Variants in TASP1 observed in about 807,000 individuals in gnomAD.
The protein encoded by TASP1 is taspase 1, also known as threonine aspartase 1.
TASP1 carries 16 observed loss-of-function variants against 56.6 expected under a neutral mutation model. The observed-to-expected ratio is 0.28, with a 90% CI of 0.19 to 0.43. TASP1 has a LOEUF of 0.43. Among genes scored for constraint, TASP1 ranks in the 20% least tolerant of loss-of-function variants. TASP1 has a pLI of 1.00. For synonymous variants in TASP1, 179 were observed against 184.2 expected (o/e 0.97, Z 0.23); for missense variants, 393 against 511.6 (o/e 0.77, Z 2.24).
chr20:13,466,399 T>A (rs376493637), intron 11 of TASP1, among the ~76,000 whole-genome samples: 5 of 152,292 alleles, frequency 3.3e-5, no homozygotes, highest in African/African-American at 1.2e-4. Context: ...TCAGTAAACT[T>A]CAGTTTTGAT....
At chr20:13,269,406 T>C in the TASP1 span, among the ~76,000 whole-genome samples, 20,228 of 152,234 alleles carry the variant, frequency 0.13, 1,384 homozygotes, top group East Asian at 0.22. Context: ...ACAGTGGGCT[T>C]GCACTTTTCA....
the TASP1 span, among the ~76,000 whole-genome samples, chr20:13,123,700 C>A: frequency 6.6e-6 from 1 of 152,176 alleles, no homozygotes; most frequent in African/African-American, 2.4e-5. Context: ...AAGATGCCAT[C>A]CTTATTCCTA....
chr20:13,373,642 T>G, the TASP1 span, among the ~76,000 whole-genome samples: 2 of 152,154 alleles, frequency 1.3e-5, no homozygotes, highest in African/African-American at 2.4e-5. Flanking sequence ...GGGGTTCCCT[T>G]ATAAATGACA....
At chr20:13,189,728 G>A in the TASP1 span, among the ~76,000 whole-genome samples, 1 of 152,160 alleles carries the variant, frequency 6.6e-6, no homozygotes, top group Non-Finnish European at 1.5e-5. Flanking sequence ...TTCAGCCCCT[G>A]TGGAAAAGTT....
the TASP1 span, among the ~76,000 whole-genome samples, chr20:13,360,255 A>G: frequency 1.3e-5 from 2 of 150,622 alleles, no homozygotes; most frequent in Admixed American, 1.3e-4. Flanking sequence ...CTTCGCTTTC[A>G]CTTGGACTGA....
At chr20:13,600,044 T>A (rs577480417) in intron 4 of TASP1, among the ~76,000 whole-genome samples, 6 of 152,182 alleles carry the variant, frequency 3.9e-5, no homozygotes, top group African/African-American at 1.4e-4. Flanking sequence ...TATCATAGCA[T>A]CAAAACATGA....
At chr20:13,464,835 G>A (rs2044187152) in intron 11 of TASP1, among the ~76,000 whole-genome samples, 1 of 152,010 alleles carries the variant, frequency 6.6e-6, no homozygotes, top group African/African-American at 2.4e-5. Flanking sequence ...GCACAAGAAT[G>A]TGAAGATGCT....
At chr20:13,133,213 G>A in the TASP1 span, among the ~76,000 whole-genome samples, 90 of 151,832 alleles carry the variant, frequency 5.9e-4, no homozygotes, top group Middle Eastern at 3.4e-3. Context: ...TATAGTTCCC[G>A]CTGCACAAGT....
chr20:13,384,478 C>T (rs1026515057), downstream of TASP1, among the ~76,000 whole-genome samples: 8 of 152,070 alleles, frequency 5.3e-5, no homozygotes, highest in African/African-American at 1.4e-4. Context: ...TGTGGCCAAA[C>T]ACTTTAGAGA....
the TASP1 span, among the ~76,000 whole-genome samples, chr20:13,220,750 T>G: frequency 6.6e-6 from 1 of 152,170 alleles, no homozygotes; most frequent in Non-Finnish European, 1.5e-5. Flanking sequence ...ACTTTGGCAC[T>G]CCTCCTCTCC....
chr20:13,112,839 T>C, the TASP1 span, among the ~76,000 whole-genome samples: 1 of 152,162 alleles, frequency 6.6e-6, no homozygotes, highest in South Asian at 2.1e-4. Flanking sequence ...GCCTTAAACC[T>C]CAAAGGAAAA....
chr20:13,429,479 T>A (rs1382807326), intron 12 of TASP1, among the ~76,000 whole-genome samples: 5 of 151,024 alleles, frequency 3.3e-5, no homozygotes, highest in Non-Finnish European at 4.4e-5. Flanking sequence ...GTCAATTATT[T>A]TTTTTTTTTA....
intron 11 of TASP1, among the ~76,000 whole-genome samples, chr20:13,462,054 AC>A (rs1264156157): frequency 6.6e-6 from 1 of 152,148 alleles, no homozygotes; most frequent in African/African-American, 2.4e-5. Context: ...ACCATCAGAG[AC>A]ATTGTGGAGC....
intron 1 of TASP1, among the ~76,000 whole-genome samples, chr20:13,638,412 C>T (rs1052721305): frequency 3.3e-5 from 5 of 152,000 alleles, no homozygotes; most frequent in Admixed American, 1.3e-4. Flanking sequence ...TCCTCCTCCT[C>T]TTCTTCCTCC....
intron 9 of TASP1, among the ~76,000 whole-genome samples, chr20:13,533,805 C>T (rs1359187984): frequency 6.6e-6 from 1 of 151,994 alleles, no homozygotes; most frequent in Admixed American, 6.6e-5. Flanking sequence ...CTAGGATCAA[C>T]GATTGTAAAG....
chr20:13,377,331 CAT>C, the TASP1 span, among the ~76,000 whole-genome samples: 1 of 152,204 alleles, frequency 6.6e-6, no homozygotes, highest in Non-Finnish European at 1.5e-5. Flanking sequence ...TTGAGACAAT[CAT>C]GTGGTTTTTG....
At chr20:13,301,821 T>C in the TASP1 span, among the ~76,000 whole-genome samples, 1 of 151,986 alleles carries the variant, frequency 6.6e-6, no homozygotes, top group East Asian at 1.9e-4. Context: ...AACTGGGTGA[T>C]CAGGAGAGAC....
intron 10 of TASP1, among the ~76,000 whole-genome samples, chr20:13,513,633 G>A (rs1032062109): frequency 2.0e-5 from 3 of 152,014 alleles, no homozygotes; most frequent in African/African-American, 7.2e-5. Context: ...AGTGAATGAC[G>A]GTAGCTAGGA....
At chr20:13,443,926 G>A (rs1018903696) in intron 11 of TASP1, among the ~76,000 whole-genome samples, 4 of 152,254 alleles carry the variant, frequency 2.6e-5, no homozygotes, top group East Asian at 1.9e-4. Context: ...GTTAGGATTA[G>A]ACAAACAAAT....
Sources: allele counts gnomAD v4.1 joint callset (sites outside exome capture counted in the v4.1 genomes callset), GRCh38; gene constraint gnomAD v4.1.1; transcripts MANE v1.5; gene names NCBI Gene and HGNC (gene_info 2026-07-23, HGNC 2026-07-21).